Variants in SLC7A8 observed in about 807,000 individuals in gnomAD.
SLC7A8 encodes the protein large neutral amino acids transporter small subunit 2.
SLC7A8 carries 30 observed loss-of-function variants against 51.2 expected under a neutral mutation model. That is an observed-to-expected ratio of 0.59 (90% confidence interval 0.44 to 0.80). The LOEUF is 0.80. Ranked by LOEUF, SLC7A8 falls within the 30% of genes least tolerant of loss-of-function variation. SLC7A8 has a pLI of 0.00. For synonymous variants in SLC7A8, 257 were observed against 275.8 expected (o/e 0.93, Z 0.67); for missense variants, 612 against 674.4 (o/e 0.91, Z 1.03).
chr14:23,169,871 C>T (rs553019505), intron 1 of SLC7A8, among the ~76,000 whole-genome samples: 29 of 152,232 alleles, frequency 1.9e-4, no homozygotes, highest in Non-Finnish European at 3.5e-4. Flanking sequence ...GTAGCTGGAC[C>T]GGAAGCTAAA....
rs2048596262 is a variant in SLC7A8, at chr14:23,128,102, A to G, written c.1358T>C (p.Leu453Pro). 6.2e-7 allele frequency: 1 copy of G among 1,614,234 alleles called. No homozygotes were observed. The highest frequency in any genetic ancestry group is 1.3e-5 in the African/African-American group (1 of 75,060). ...WSEPVVCGIG[L>P]AIMLTGVPVY... is the part of the protein sequence containing the mutation. ...AGGCACTCCTGTCAGCATGATGGCC[A>G]GGCCAATGCCACACACCACCGGCTC... The change falls in exon 10 of 11, where the codon CTG becomes CCG. Residue 453 changes from leucine (L) to proline (P), a missense_variant. Physicochemically the swap from Leu to Pro is moderately conservative, Grantham distance 98. Transcript: ENST00000316902. The surrounding 1 kb of genome is among the most constrained non-coding windows in gnomAD (Gnocchi z 4.3).
intron 1 of SLC7A8, among the ~76,000 whole-genome samples, chr14:23,177,027 G>T (rs958041799): frequency 3.9e-5 from 6 of 152,014 alleles, no homozygotes; most frequent in Non-Finnish European, 8.8e-5. Context: ...GGAGATAGTG[G>T]TCTAGTAGCT....
At chr14:23,168,390 G>T (rs2048960447) in intron 1 of SLC7A8, among the ~76,000 whole-genome samples, 1 of 152,126 alleles carries the variant, frequency 6.6e-6, no homozygotes, top group Non-Finnish European at 1.5e-5. Flanking sequence ...CTGTTCTCTG[G>T]ACAATATCAA....
rs543808831 is a variant in SLC7A8, at chr14:23,180,072, A to C, written c.151+2692T>G. On this transcript the variant is annotated intron_variant, in intron 1 of 10. Coordinates refer to ENST00000316902, the MANE Select transcript of SLC7A8 (RefSeq NM_012244.4). The stretch of plus-strand genomic sequence containing the variant: ...AGGCATGCGCCACGACGCCCGGCTA[A>C]TTTTTTGTATTTTTTAGTAGAGACG... Among the ~76,000 whole-genome samples, 4 of 151,718 alleles carry C rather than the reference A, an allele frequency of 2.6e-5. No homozygotes were observed. In the South Asian group the frequency reaches 8.3e-4, roughly 32 times the overall value.
Position 23,165,444 on chromosome 14 carries a change from A to G in SLC7A8, c.357-8T>C. The G allele has an allele frequency of 6.3e-7, 1 of 1,582,548 alleles. No individual in the cohort carries two copies. The highest frequency in any genetic ancestry group is 8.6e-7 in the Non-Finnish European group (1 of 1,167,912). On this transcript the variant is annotated splice_region_variant and splice_polypyrimidine_tract_variant and intron_variant, in intron 2 of 10. Coordinates refer to ENST00000316902, the MANE Select transcript of SLC7A8 (RefSeq NM_012244.4). The surrounding 1 kb of genome is among the most constrained non-coding windows in gnomAD (Gnocchi z 4.2). The stretch of plus-strand genomic sequence containing the variant: ...ATCCACAGCCTCAGGAACCTGAAGG[A>G]GGAAAGGGACATCCGCCGAAAGGCA...
rs114310809 is a variant in SLC7A8, at chr14:23,155,235, C to T, written c.508+10050G>A. On this transcript the variant is annotated intron_variant, in intron 3 of 10. Coordinates refer to ENST00000316902, the MANE Select transcript of SLC7A8 (RefSeq NM_012244.4). ...CTCTGAGCCTTCCGGAAGGGCCTCT[C>T]TCTTCCAAGGACACACCAGCAGAGG... 1,568 of 1,536,134 alleles carry T rather than the reference C, an allele frequency of 1.0e-3. 10 individuals are homozygous for T. In the African/African-American group the frequency reaches 0.019, roughly 19 times the overall value.
intron 7 of SLC7A8, among the ~76,000 whole-genome samples, chr14:23,136,911 C>T (rs891503958): frequency 8.5e-5 from 13 of 152,302 alleles, no homozygotes; most frequent in Middle Eastern, 3.4e-3. Flanking sequence ...CACAGGGTCC[C>T]GGGGTACAGG....
intron 2 of SLC7A8, 75 bp downstream of exon 2, chr14:23,166,261 T>C (rs1346529656): frequency 1.3e-6 from 2 of 1,547,530 alleles, no homozygotes; most frequent in Non-Finnish European, 1.8e-6. Context: ...GCCTTGGCTT[T>C]TTCCAATCTG....
At chr14:23,180,657 G>A (rs962764820) in intron 1 of SLC7A8, among the ~76,000 whole-genome samples, 3 of 152,130 alleles carry the variant, frequency 2.0e-5, no homozygotes, top group Non-Finnish European at 2.9e-5. Context: ...CCATCCATAA[G>A]GTTGTGGACA....
intron 3 of SLC7A8, among the ~76,000 whole-genome samples, chr14:23,158,995 C>G (rs1034898669): frequency 7.2e-5 from 11 of 152,170 alleles, no homozygotes; most frequent in Non-Finnish European, 1.2e-4. Flanking sequence ...ACTTACCTTT[C>G]AACATTTAGC....
At position 23,125,851 on chromosome 14, in the gene SLC7A8, T is replaced by G. The variant is rs1237731776; in HGVS notation, c.*1326A>C. On this transcript the variant is annotated 3_prime_UTR_variant, in exon 11 of 11. Transcript: ENST00000316902. Reference sequence around the variant, plus strand: ...CACAGCAAACTCCATAGCCTTCCTTTGAAGCCCAGGGAAAGGTCAGAGGCT... The same window carrying G: ...CACAGCAAACTCCATAGCCTTCCTTGGAAGCCCAGGGAAAGGTCAGAGGCT... The G allele has an allele frequency of 6.5e-6, 1 of 152,688 alleles. No homozygotes were observed. Among genetic ancestry groups the G allele is most frequent in the African/African-American group, 2.4e-5 (1 of 41,456 alleles). 9.5% of individuals were successfully genotyped at this position (152,688 alleles called of 1,614,324 possible). A position where few individuals can be genotyped will look rare whatever the true frequency, so the allele number is the denominator to read the frequency against.
chr14:23,182,741 C>G (rs1427958094), intron 1 of SLC7A8, 23 bp downstream of exon 1: 1 of 1,525,622 alleles, frequency 6.6e-7, no homozygotes, highest in Non-Finnish European at 8.8e-7. Flanking sequence ...GAGGAGGGGT[C>G]CGCGGGAAGG....
chr14:23,160,850 T>C (rs1022001473), intron 3 of SLC7A8, among the ~76,000 whole-genome samples: 2 of 152,114 alleles, frequency 1.3e-5, no homozygotes, highest in South Asian at 2.1e-4. Context: ...GTTCTAACAC[T>C]TCCCAGTCCC....
chr14:23,177,090 C>T (rs1876960192), intron 1 of SLC7A8, among the ~76,000 whole-genome samples: 1 of 152,092 alleles, frequency 6.6e-6, no homozygotes, highest in Non-Finnish European at 1.5e-5. Context: ...CCCCCAAAAA[C>T]ATAAATTGTG....
intron 5 of SLC7A8, among the ~76,000 whole-genome samples, chr14:23,139,819 T>C (rs2048725971): frequency 6.6e-6 from 1 of 152,050 alleles, no homozygotes; most frequent in South Asian, 2.1e-4. Flanking sequence ...AGGCCAGCCC[T>C]GGCAACATAG....
rs186997756 is a variant in SLC7A8, at chr14:23,143,070, G to A, written c.634+9C>T. On this transcript the variant is annotated intron_variant, in intron 4 of 10. Transcript: ENST00000316902. The stretch of plus-strand genomic sequence containing the variant: ...GCTGGGCAGTACCTGTTTTTCCTGC[G>A]ATACTCACCTTTGCATATCTGTACA... 8.2e-5 allele frequency: 132 copies of A among 1,613,518 alleles called. No homozygotes were observed. The African/African-American group carries it at 1.4e-3, about 17-fold the overall frequency.
At chr14:23,141,521 C>G (rs2048745266) in intron 4 of SLC7A8, among the ~76,000 whole-genome samples, 1 of 152,216 alleles carries the variant, frequency 6.6e-6, no homozygotes, top group African/African-American at 2.4e-5. Context: ...GCGATCTCAG[C>G]TCACTGCAAC....
intron 3 of SLC7A8, among the ~76,000 whole-genome samples, chr14:23,145,919 C>T (rs957727147): frequency 1.3e-5 from 2 of 152,156 alleles, no homozygotes; most frequent in African/African-American, 4.8e-5. Flanking sequence ...TTTTAAGTGC[C>T]CGAGCAGGGA....
At chr14:23,158,534 C>T (rs1011073661) in intron 3 of SLC7A8, among the ~76,000 whole-genome samples, 3 of 152,122 alleles carry the variant, frequency 2.0e-5, no homozygotes, top group Non-Finnish European at 4.4e-5. Context: ...TTAGTAGCGA[C>T]GGGGTTTCAC....
Sources: allele counts gnomAD v4.1 joint callset (sites outside exome capture counted in the v4.1 genomes callset), GRCh38; gene constraint gnomAD v4.1.1; non-coding constraint Gnocchi (gnomAD v3.1); transcripts MANE v1.5; gene names NCBI Gene and HGNC (gene_info 2026-07-23, HGNC 2026-07-21).